Variants in IGSF9B observed in about 807,000 individuals in gnomAD.
The protein encoded by IGSF9B is immunoglobulin superfamily member 9B, also known as protein turtle homolog B.
IGSF9B carries 48 observed loss-of-function variants against 143.7 expected under a neutral mutation model. The ratio of observed to expected loss-of-function variants is 0.33; its 90% CI spans 0.26 to 0.42. IGSF9B has a LOEUF of 0.42. Among genes scored for constraint, IGSF9B ranks in the 20% least tolerant of loss-of-function variants. IGSF9B has a pLI of 1.00. For missense variants in IGSF9B, 1,706 were observed against 1,980.0 expected, an observed-to-expected ratio of 0.86 and a Z score of 2.63; for synonymous variants, 903 against 833.1, an observed-to-expected ratio of 1.08 and a Z score of -1.44.
At chr11:133,922,526 G>A (rs1176367796) in intron 16 of IGSF9B, 43 bp downstream of exon 16, 2 of 1,583,290 alleles carry the variant, frequency 1.3e-6, no homozygotes, top group Non-Finnish European at 1.7e-6. Flanking sequence ...GGGGGCATTT[G>A]AAACCGGGCC....
chr11:133,935,473 A>C, intron 7 of IGSF9B, 144 bp downstream of exon 7: 4 of 977,884 alleles, frequency 4.1e-6, no homozygotes, highest in Non-Finnish European at 5.9e-6. Flanking sequence ...CTCTCCAGCC[A>C]TCCCTCCTTC....
In IGSF9B at chr11:133,902,170, A is replaced by T. The variant is rs1939141110; in HGVS notation, c.*6899T>A. Among the ~76,000 whole-genome samples, 1 of 141,494 alleles carries T rather than the reference A, an allele frequency of 7.1e-6. No individual in the cohort carries two copies. Among genetic ancestry groups the T allele is most frequent in the African/African-American group, 2.7e-5 (1 of 37,096 alleles). 92.8% of individuals were successfully genotyped at this position (141,494 alleles called of 152,430 possible). A position where few individuals can be genotyped will look rare whatever the true frequency, so the allele number is the denominator to read the frequency against. On this transcript the variant is annotated 3_prime_UTR_variant, in exon 20 of 20. Transcript: ENST00000533871. ...CACACCAGACACACCACACACACCAAACACACACACACCAAACACACCAGA... is the reference window on the plus strand; with the variant it reads ...CACACCAGACACACCACACACACCATACACACACACACCAAACACACCAGA...
At chr11:133,950,932 A>T (rs1940146854) in intron 1 of IGSF9B, among the ~76,000 whole-genome samples, 1 of 152,042 alleles carries the variant, frequency 6.6e-6, no homozygotes, top group Non-Finnish European at 1.5e-5. Context: ...CTGTTGTCTA[A>T]TAATACCAGC....
In IGSF9B at chr11:133,953,716, T is replaced by G. The variant is rs1019379847; in HGVS notation, c.64+2975A>C. ...CAGCCGTGGGAGTAAAGTCTGGGACTTTCCTCCCCTATCCAAGGTCCACAA... is the reference window on the plus strand; with the variant it reads ...CAGCCGTGGGAGTAAAGTCTGGGACGTTCCTCCCCTATCCAAGGTCCACAA... On this transcript the variant is annotated intron_variant, in intron 1 of 19. Coordinates refer to ENST00000533871, the MANE Select transcript of IGSF9B (RefSeq NM_001277285.4). The surrounding 1 kb of genome is among the most constrained non-coding windows in gnomAD (Gnocchi z 4.2). 2.0e-5 allele frequency among the ~76,000 whole-genome samples: 3 copies of G among 152,232 alleles called. No individual in the cohort carries two copies. The highest frequency in any genetic ancestry group is 4.4e-5 in the Non-Finnish European group (3 of 68,006).
At chr11:133,924,730 C>T (rs901097133) in intron 15 of IGSF9B, 90 bp downstream of exon 15, 7 of 1,073,704 alleles carry the variant, frequency 6.5e-6, no homozygotes, top group Non-Finnish European at 8.5e-6. Context: ...CCAGCTTCTC[C>T]TCGTGGAGTA....
chr11:133,924,914 C>T lies in IGSF9B; in HGVS notation c.2035-10G>A. The T allele has an allele frequency of 6.2e-7, 1 of 1,612,516 alleles. No homozygotes were observed. Among genetic ancestry groups the T allele is most frequent in the Non-Finnish European group, 8.5e-7 (1 of 1,179,132 alleles). ...ACTCATACCACGTGTCCTGCAGCCC[C>T]AGGGACAATACCCAGTCAGCCGAGG... On this transcript the variant is annotated splice_polypyrimidine_tract_variant and intron_variant, in intron 14 of 19. Coordinates refer to ENST00000533871, the MANE Select transcript of IGSF9B (RefSeq NM_001277285.4).
At chr11:133,949,257 C>G (rs1933541539) in intron 1 of IGSF9B, among the ~76,000 whole-genome samples, 1 of 152,166 alleles carries the variant, frequency 6.6e-6, no homozygotes, top group South Asian at 2.1e-4. Context: ...CACCCTCGCT[C>G]CAAGCCCTCT....
At position 133,919,994 on chromosome 11, in the gene IGSF9B, G is replaced by A; in HGVS notation, c.3731C>T (p.Ala1244Val). ...CGTAGACTTTCGAGAAAAGCTGACTGCAGCCGGCGGCTGCAGGGTGATCTC... is the reference window on the plus strand; with the variant it reads ...CGTAGACTTTCGAGAAAAGCTGACTACAGCCGGCGGCTGCAGGGTGATCTC... ...MSEITLQPPAAVSFSRKSTPS... is the reference protein window; with the variant it reads ...MSEITLQPPAVVSFSRKSTPS... Residue 1244 changes from alanine to valine, a missense_variant, in exon 18 of 20, where the codon GCA becomes GTA. This residue lies in a region of IGSF9B where 880 missense variants were observed against 762.9 expected (regional missense o/e 1.15). Coordinates refer to ENST00000533871, the MANE Select transcript of IGSF9B (RefSeq NM_001277285.4). The A allele has an allele frequency of 2.5e-6, 4 of 1,581,528 alleles. No individual in the cohort carries two copies. The highest frequency in any genetic ancestry group is 3.4e-6 in the Non-Finnish European group (4 of 1,163,632).
intron 11 of IGSF9B, 58 bp downstream of exon 11, chr11:133,930,926 C>A: frequency 6.6e-7 from 1 of 1,508,364 alleles, no homozygotes. Flanking sequence ...TCCAGCACCC[C>A]GCCCCCAGCC....
chr11:133,937,300 C>G, intron 5 of IGSF9B, 76 bp downstream of exon 5: 1 of 1,111,656 alleles, frequency 9.0e-7, no homozygotes, highest in Non-Finnish European at 1.3e-6. Flanking sequence ...CCTGGGAAAA[C>G]GCCCTCCGTA....
chr11:133,944,124 T>A (rs1653289318), intron 3 of IGSF9B, 96 bp downstream of exon 3: 2 of 1,353,874 alleles, frequency 1.5e-6, no homozygotes, highest in Non-Finnish European at 2.0e-6. Flanking sequence ...GAGATGCAGT[T>A]GGGAGAAGGG....
chr11:133,935,917 G>T, intron 6 of IGSF9B, 136 bp downstream of exon 6: 1 of 1,383,372 alleles, frequency 7.2e-7, no homozygotes, highest in African/African-American at 1.4e-5. Context: ...TGGCATGTGA[G>T]ACACACGGAC....
chr11:133,921,465 C>T, intron 17 of IGSF9B, 68 bp from the exon 18 acceptor site: 1 of 1,250,688 alleles, frequency 8.0e-7, no homozygotes, highest in South Asian at 1.7e-5. Flanking sequence ...CTTCCTTTCC[C>T]TCTCTCGGCA....
chr11:133,923,791 A>C (rs1007584376), intron 15 of IGSF9B, among the ~76,000 whole-genome samples: 10 of 152,238 alleles, frequency 6.6e-5, no homozygotes, highest in Non-Finnish European at 1.2e-4. Flanking sequence ...ATTTCCTGCC[A>C]GGAGCTGGCA....
intron 14 of IGSF9B, among the ~76,000 whole-genome samples, chr11:133,925,413 G>A (rs1436281529): frequency 1.3e-5 from 2 of 152,188 alleles, no homozygotes; most frequent in African/African-American, 4.8e-5. Flanking sequence ...CCCACCCCAG[G>A]TTAGGCTCAG....
chr11:133,937,347 G>A (rs1015565900), intron 5 of IGSF9B, 29 bp downstream of exon 5: 23 of 1,542,674 alleles, frequency 1.5e-5, no homozygotes, highest in Non-Finnish European at 1.9e-5. Context: ...GGAGCCCAGG[G>A]TTAAAGAGGC....
Position 133,921,367 on chromosome 11 carries a change from G to T in IGSF9B, c.2358C>A (p.Ser786Arg). The change falls in exon 18 of 20, where the codon AGC becomes AGA. Residue 786 changes from serine (S) to arginine (R), a missense_variant. Coordinates refer to ENST00000533871, the MANE Select transcript of IGSF9B (RefSeq NM_001277285.4). ...PLSSGKVSPE[S>R]IRTLRAPSES... is the part of the protein sequence containing the mutation. ...CTGACGGCGCTCGGAGCGTGCGGAT[G>T]CTCTCGGGGCTCACCTTGCCAGAGG... 1 of 1,544,346 alleles carries T rather than the reference G, an allele frequency of 6.5e-7. No individual in the cohort carries two copies.
intron 18 of IGSF9B, among the ~76,000 whole-genome samples, chr11:133,917,580 C>T (rs893613044): frequency 1.3e-5 from 2 of 152,106 alleles, no homozygotes; most frequent in Admixed American, 6.5e-5. Flanking sequence ...ACATTTCAGT[C>T]CTGTGACTAC....
rs1940032589 is a variant in IGSF9B, at chr11:133,945,603, A to T, written c.262+458T>A. Among the ~76,000 whole-genome samples, 1 of 152,208 alleles carries T rather than the reference A, an allele frequency of 6.6e-6. No individual in the cohort carries two copies. The highest frequency in any genetic ancestry group is 1.5e-5 in the Non-Finnish European group (1 of 68,050). On this transcript the variant is annotated intron_variant, in intron 2 of 19. Transcript: ENST00000533871. This position sits in a 1 kb window ranked among gnomAD's most constrained non-coding sequence, Gnocchi z 4.6. Reference sequence around the variant, plus strand: ...GGGGCCAGGAGAAGGAGAGGACAGCATGACAAGGAGGCAGACACCAGGCAC... The same window carrying T: ...GGGGCCAGGAGAAGGAGAGGACAGCTTGACAAGGAGGCAGACACCAGGCAC...
Sources: gnomAD v4.1 joint callset for allele counts (sites outside exome capture counted in the v4.1 genomes callset) on GRCh38, gnomAD v4.1.1 for gene constraint, gnomAD v4.1.1 regional missense constraint, Gnocchi (gnomAD v3.1) non-coding constraint, MANE v1.5 for transcripts, NCBI Gene and HGNC (gene_info 2026-07-23, HGNC 2026-07-21) for gene names.